ABCB11: variants seen among roughly 807,000 people sequenced by gnomAD.
The protein encoded by ABCB11 is ATP binding cassette subfamily B member 11.
A neutral mutation model predicts 148.0 loss-of-function variants in ABCB11; 95 were observed. The observed-to-expected ratio is 0.64, with a 90% CI of 0.54 to 0.76. The LOEUF is 0.76. ABCB11 is among the 30% of genes least tolerant of loss of function. The pLI is 0.00. For missense variants in ABCB11, 1,523 were observed against 1,617.8 expected, an observed-to-expected ratio of 0.94 and a Z score of 1.01; for synonymous variants, 591 against 555.4, an observed-to-expected ratio of 1.06 and a Z score of -0.90.
At chr2:169,013,052 A>G (rs1363357985) in intron 5 of ABCB11, among the ~76,000 whole-genome samples, 1 of 152,178 alleles carries the variant, frequency 6.6e-6, no homozygotes, top group Non-Finnish European at 1.5e-5. Context: ...GTATTTGGTG[A>G]GTGACTTTCA....
At chr2:168,997,704 T>G (rs962923678) in intron 5 of ABCB11, among the ~76,000 whole-genome samples, 2 of 152,030 alleles carry the variant, frequency 1.3e-5, no homozygotes, top group African/African-American at 4.8e-5. Context: ...GGCTTGAGCT[T>G]GATTTTTTTT....
chr2:168,981,087 A>G (rs1694121147), intron 10 of ABCB11, among the ~76,000 whole-genome samples: 1 of 152,144 alleles, frequency 6.6e-6, no homozygotes, highest in Admixed American at 6.6e-5. Flanking sequence ...GATGGTTTCT[A>G]TAGGCCAGAC....
intron 18 of ABCB11, among the ~76,000 whole-genome samples, chr2:168,959,003 T>C (rs1380666866): frequency 6.6e-6 from 1 of 151,696 alleles, no homozygotes; most frequent in Non-Finnish European, 1.5e-5. Flanking sequence ...ATACAGCAAA[T>C]CGACTATAAA....
Position 168,921,103 on chromosome 2 carries a change from A to G in ABCB11, c.*2519T>C, listed in dbSNP as rs1381865753. On this transcript the variant is annotated 3_prime_UTR_variant, in exon 28 of 28. Coordinates refer to ENST00000650372, the MANE Select transcript of ABCB11 (RefSeq NM_003742.4). ...TAGCATGCATTTATTGCAAACCTTA[A>G]TTTCCTCTAAAAGGCATCTTTACTC... Among the ~76,000 whole-genome samples the G allele has an allele frequency of 2.0e-5, 3 of 152,124 alleles. No individual in the cohort carries two copies. The highest frequency in any genetic ancestry group is 6.5e-5 in the Admixed American group (1 of 15,276).
rs1222655660 is a variant in ABCB11, at chr2:168,970,101, C to T, written c.1753G>A (p.Ala585Thr). ...CTCTCATTGTCCAGAGCTGAGGTGG[C>T]CATGTCCAAAAGCAGAATCTTGGGA... Reference protein sequence around the residue: ...RNPKILLLDMATSALDNESEA... With the variant: ...RNPKILLLDMTTSALDNESEA... Residue 585 changes from alanine to threonine, a missense_variant, in exon 15 of 28, where the codon GCC (alanine) becomes ACC (threonine). By Grantham distance (58) the Ala-to-Thr change is moderately conservative. Transcript: ENST00000650372. 4 of 1,612,990 alleles carry T rather than the reference C, an allele frequency of 2.5e-6. No homozygotes were observed. Among genetic ancestry groups the T allele is most frequent in the Non-Finnish European group, 3.4e-6 (4 of 1,179,290 alleles).
In ABCB11 at chr2:168,923,796, G is replaced by T. The variant is rs1273618492; in HGVS notation, c.3792C>A (p.Ala1264=). The change falls in exon 28 of 28, where the codon GCC becomes GCA. Residue 1264 remains alanine, a synonymous_variant. Coordinates refer to ENST00000650372, the MANE Select transcript of ABCB11 (RefSeq NM_003742.4). ...EKTVQVALDK[A]REGRTCIVIA... ...TGACAATGCAGGTCCGACCCTCTCT[G>T]GCTTTGTCTAGAGCAACCTGCACCG... The T allele has an allele frequency of 1.2e-6, 2 of 1,613,918 alleles. No homozygotes were observed. Among genetic ancestry groups the T allele is most frequent in the African/African-American group, 1.3e-5 (1 of 75,000 alleles).
At chr2:169,008,290 A>G (rs116693861) in intron 5 of ABCB11, among the ~76,000 whole-genome samples, 1 of 152,272 alleles carries the variant, frequency 6.6e-6, no homozygotes, top group African/African-American at 2.4e-5. Context: ...CCTAAGAGAG[A>G]AATTTCCCCC....
intron 1 of ABCB11, among the ~76,000 whole-genome samples, chr2:169,023,192 C>G (rs1430003641): frequency 6.6e-6 from 1 of 152,140 alleles, no homozygotes; most frequent in East Asian, 1.9e-4. Context: ...TACCCCAGAT[C>G]CCAGAATATC....
rs888593983 is a variant in ABCB11, at chr2:168,921,998, G to A, written c.*1624C>T. On this transcript the variant is annotated 3_prime_UTR_variant, in exon 28 of 28. Coordinates refer to ENST00000650372, the MANE Select transcript of ABCB11 (RefSeq NM_003742.4). ...TGAGTAGCTGGGACTACAGGCGCCC[G>A]CCACCACGCCCGGCTAATTTTTTTG... Among the ~76,000 whole-genome samples the A allele has an allele frequency of 8.6e-5, 13 of 151,342 alleles. No homozygotes were observed. The highest frequency in any genetic ancestry group is 3.9e-4 in the East Asian group (2 of 5,150).
rs1160895900 is a variant in ABCB11 at position 168,993,889 on chromosome 2, A to T, written c.612-7T>A. On this transcript the variant is annotated splice_polypyrimidine_tract_variant and splice_region_variant and intron_variant, in intron 7 of 27. Transcript: ENST00000650372. ...ATTGATTTTATTAATATCACTAGAAACCAGAAAGATTTTGGTCACTAAAAC... is the reference window on the plus strand; with the variant it reads ...ATTGATTTTATTAATATCACTAGAATCCAGAAAGATTTTGGTCACTAAAAC... 6.3e-7 allele frequency: 1 copy of T among 1,599,838 alleles called. No individual in the cohort carries two copies. The highest frequency in any genetic ancestry group is 1.8e-5 in the Admixed American group (1 of 57,034).
At chr2:169,016,671 A>C in intron 3 of ABCB11, 107 bp downstream of exon 3, 1 of 856,922 alleles carries the variant, frequency 1.2e-6, no homozygotes, top group South Asian at 1.6e-5. Context: ...ATATTATTTT[A>C]TATGAAGTGC....
intron 23 of ABCB11, among the ~76,000 whole-genome samples, chr2:168,934,898 C>T (rs1691745241): frequency 6.6e-6 from 1 of 152,148 alleles, no homozygotes; most frequent in South Asian, 2.1e-4. Flanking sequence ...GGGGCTTGCC[C>T]TCTTTTGTGG....
intron 14 of ABCB11, among the ~76,000 whole-genome samples, chr2:168,971,289 T>C (rs1389552939): frequency 6.6e-6 from 1 of 152,046 alleles, no homozygotes; most frequent in Admixed American, 6.6e-5. Flanking sequence ...CGTATACGTG[T>C]TAACCCTTTA....
intron 1 of ABCB11, among the ~76,000 whole-genome samples, chr2:169,025,151 T>C (rs1695659614): frequency 6.6e-6 from 1 of 152,244 alleles, no homozygotes; most frequent in Admixed American, 6.5e-5. Context: ...CATTTATTTT[T>C]TCCCTTGGCT....
intron 5 of ABCB11, among the ~76,000 whole-genome samples, chr2:169,003,506 G>A (rs184998176): frequency 1.2e-3 from 186 of 151,794 alleles, no homozygotes; most frequent in Non-Finnish European, 2.1e-3. Flanking sequence ...CCTTTGGGCT[G>A]GTTCCATATT....
At chr2:168,917,496 C>T (rs927526230), downstream of ABCB11, among the ~76,000 whole-genome samples, 2 of 152,168 alleles carry the variant, frequency 1.3e-5, no homozygotes, top group Non-Finnish European at 2.9e-5. Flanking sequence ...TTACACTAAA[C>T]AATCTTAGTT....
At chr2:168,956,010 T>C (rs528189536) in intron 19 of ABCB11, among the ~76,000 whole-genome samples, 6 of 151,550 alleles carry the variant, frequency 4.0e-5, no homozygotes, top group African/African-American at 1.2e-4. Flanking sequence ...GATGCTGAGA[T>C]TGAGTAATTT....
Position 168,944,754 on chromosome 2 carries a change from C to G in ABCB11, c.2461G>C (p.Ala821Pro). Reference sequence around the variant, plus strand: ...TTTGTTAGGAGCTCCCCAGATTTAGCAAAGGCATATCCCTAAAACATGAAG... The same window carrying G: ...TTTGTTAGGAGCTCCCCAGATTTAGGAAAGGCATATCCCTAAAACATGAAG... ...FTQFLQGYAFAKSGELLTKRL... is the reference protein window; with the variant it reads ...FTQFLQGYAFPKSGELLTKRL... Residue 821 changes from alanine (A) to proline (P), a missense_variant, in exon 21 of 28, where the codon GCT becomes CCT. Ala to Pro is a conservative substitution (Grantham distance 27). Coordinates refer to ENST00000650372, the MANE Select transcript of ABCB11 (RefSeq NM_003742.4). 6.2e-7 allele frequency: 1 copy of G among 1,612,398 alleles called. No individual in the cohort carries two copies.
At position 168,972,045 on chromosome 2, in the gene ABCB11, G is replaced by A. The variant is rs776665035; in HGVS notation, c.1440C>T (p.Thr480=). Residue 480 remains threonine (T), a synonymous_variant, in exon 14 of 28, where the codon ACC becomes ACT. Coordinates refer to ENST00000650372, the MANE Select transcript of ABCB11 (RefSeq NM_003742.4). ...RFYDPCEGMV[T]VDGHDIRSLN... The stretch of plus-strand genomic sequence containing the variant: ...GAGAGCGAATGTCATGGCCATCCAC[G>A]GTCACCTAGAGAGCATGGGCACAAC... 3.3e-5 allele frequency: 53 copies of A among 1,612,024 alleles called. No individual in the cohort carries two copies. The highest frequency in any genetic ancestry group is 5.0e-5 in the Admixed American group (3 of 59,746).
Sources: gnomAD v4.1 joint callset for allele counts (sites outside exome capture counted in the v4.1 genomes callset) on GRCh38, gnomAD v4.1.1 for gene constraint, MANE v1.5 for transcripts, NCBI Gene and HGNC (gene_info 2026-07-23, HGNC 2026-07-21) for gene names.